CHCHD6: variants seen among roughly 807,000 people sequenced by gnomAD.
CHCHD6 encodes MICOS complex subunit MIC25.
CHCHD6 carries 28 observed loss-of-function variants against 32.3 expected under a neutral mutation model. The ratio of observed to expected loss-of-function variants is 0.87; its 90% CI spans 0.64 to 1.19. The LOEUF (loss-of-function observed/expected upper bound fraction) is 1.19. Among genes scored for constraint, CHCHD6 ranks in the 50% most tolerant of loss-of-function variants. CHCHD6 has a pLI of 0.00. For synonymous variants in CHCHD6, 122 were observed against 117.5 expected (o/e 1.04, Z -0.25); for missense variants, 333 against 307.0 (o/e 1.08, Z -0.63).
rs765242087 is a variant in CHCHD6 at position 126,957,370 on chromosome 3, C to T, written c.567-46C>T. The T allele has an allele frequency of 6.3e-6, 10 of 1,594,478 alleles. No individual in the cohort carries two copies. In the East Asian group the frequency reaches 6.8e-5, roughly 11 times the overall value. On this transcript the variant is annotated intron_variant, in intron 6 of 7. Coordinates refer to ENST00000290913, the MANE Select transcript of CHCHD6 (RefSeq NM_032343.3). The stretch of plus-strand genomic sequence containing the variant: ...AATGTGAGTTGTTTCTCTCCCCTGC[C>T]TGCTGGCACCTGAGCCCCAGGCCTG...
rs144717514 is a variant in CHCHD6, at chr3:126,795,007, G to T, written c.412-57640G>T. On this transcript the variant is annotated intron_variant, in intron 4 of 7. Coordinates refer to ENST00000290913, the MANE Select transcript of CHCHD6 (RefSeq NM_032343.3). ...ATATTATTGATACCATTTTTTTTTT[G>T]AGTGAAAATATTCTCCTAGACATTT... Among the ~76,000 whole-genome samples the T allele has an allele frequency of 3.3e-3, 504 of 151,150 alleles. 5 individuals are homozygous for T. Among genetic ancestry groups the T allele is most frequent in the African/African-American group, 0.011 (470 of 41,236 alleles).
At chr3:126,875,547 G>A (rs1005896696) in intron 5 of CHCHD6, among the ~76,000 whole-genome samples, 5 of 152,222 alleles carry the variant, frequency 3.3e-5, no homozygotes, top group African/African-American at 1.2e-4. Context: ...GAAAGAGCTG[G>A]AGAGAATTGG....
chr3:126,818,110 TTCC>T (rs1251628187), intron 4 of CHCHD6, among the ~76,000 whole-genome samples: 1 of 152,142 alleles, frequency 6.6e-6, no homozygotes, highest in Non-Finnish European at 1.5e-5. Context: ...TCACAGTGTT[TTCC>T]TCCTCACTTT....
intron 4 of CHCHD6, among the ~76,000 whole-genome samples, chr3:126,772,073 A>G (rs1242723215): frequency 2.0e-5 from 3 of 152,122 alleles, no homozygotes; most frequent in Admixed American, 6.5e-5. Flanking sequence ...ATCTACACCT[A>G]CTATTATGTA....
chr3:126,808,707 A>G (rs1194073734), intron 4 of CHCHD6, among the ~76,000 whole-genome samples: 1 of 152,148 alleles, frequency 6.6e-6, no homozygotes, highest in Admixed American at 6.5e-5. Context: ...AAGCAAAAAG[A>G]AATCAGAAGG....
intron 5 of CHCHD6, among the ~76,000 whole-genome samples, chr3:126,870,287 C>T (rs1407363444): frequency 1.3e-5 from 2 of 152,152 alleles, no homozygotes; most frequent in Admixed American, 1.3e-4. Flanking sequence ...GATTAAACTC[C>T]GTGTTCCAGT....
chr3:126,765,870 A>G (rs1197893910), intron 4 of CHCHD6, among the ~76,000 whole-genome samples: 1 of 152,232 alleles, frequency 6.6e-6, no homozygotes, highest in Non-Finnish European at 1.5e-5. Flanking sequence ...ATAGGCAGCC[A>G]AGGGGAGAAA....
chr3:126,930,005 A>G (rs2078380497), intron 6 of CHCHD6, among the ~76,000 whole-genome samples: 1 of 152,238 alleles, frequency 6.6e-6, no homozygotes, highest in African/African-American at 2.4e-5. Flanking sequence ...CTAGTTCCTA[A>G]CATACCTCCT....
At chr3:126,959,823 GCC>G (rs764168029) in intron 7 of CHCHD6, among the ~76,000 whole-genome samples, 6 of 152,214 alleles carry the variant, frequency 3.9e-5, no homozygotes, top group Non-Finnish European at 7.3e-5. Flanking sequence ...CAGAGGGGAG[GCC>G]TTGATGAGGC....
At chr3:126,790,961 C>T (rs1938507321) in intron 4 of CHCHD6, among the ~76,000 whole-genome samples, 1 of 152,044 alleles carries the variant, frequency 6.6e-6, no homozygotes, top group African/African-American at 2.4e-5. Flanking sequence ...GTTTTATCTA[C>T]CTTTGGTCTT....
intron 4 of CHCHD6, among the ~76,000 whole-genome samples, chr3:126,792,722 T>C (rs1938612803): frequency 6.6e-6 from 1 of 152,240 alleles, no homozygotes; most frequent in Non-Finnish European, 1.5e-5. Context: ...CTAATGTTTA[T>C]TGTTATGTGA....
At chr3:126,804,386 C>A (rs1939247204) in intron 4 of CHCHD6, among the ~76,000 whole-genome samples, 1 of 151,980 alleles carries the variant, frequency 6.6e-6, no homozygotes, top group Non-Finnish European at 1.5e-5. Flanking sequence ...GGGATATCAC[C>A]ACCGATCCCA....
intron 4 of CHCHD6, chr3:126,767,195 C>G: frequency 6.3e-7 from 1 of 1,589,114 alleles, no homozygotes; most frequent in Non-Finnish European, 8.6e-7. Flanking sequence ...GAATTCAGCC[C>G]CAAAGGCCAT....
intron 4 of CHCHD6, among the ~76,000 whole-genome samples, chr3:126,801,736 T>G (rs1338576829): frequency 6.6e-6 from 1 of 152,196 alleles, no homozygotes; most frequent in Non-Finnish European, 1.5e-5. Flanking sequence ...CAGCTGGAGA[T>G]CTGAGAACGG....
At chr3:126,842,140 G>C (rs910723607) in intron 4 of CHCHD6, among the ~76,000 whole-genome samples, 4 of 152,038 alleles carry the variant, frequency 2.6e-5, no homozygotes, top group African/African-American at 9.7e-5. Context: ...TGTAGTACCA[G>C]CTACTCCGGA....
At chr3:126,812,760 G>A (rs1486912082) in intron 4 of CHCHD6, among the ~76,000 whole-genome samples, 1 of 152,022 alleles carries the variant, frequency 6.6e-6, no homozygotes, top group African/African-American at 2.4e-5. Context: ...TAACTTTTAT[G>A]ACAATGCTTT....
At chr3:126,766,790 C>T (rs1937386165) in intron 4 of CHCHD6, 1 of 1,076,286 alleles carries the variant, frequency 9.3e-7, no homozygotes. Context: ...AACAGACCAC[C>T]CACTTCACTG....
chr3:126,862,257 C>T (rs1576512160), intron 5 of CHCHD6, among the ~76,000 whole-genome samples: 4 of 136,450 alleles, frequency 2.9e-5, no homozygotes, highest in East Asian at 2.3e-4. Flanking sequence ...CCTCCTCCTC[C>T]TCCATCACCT....
chr3:126,752,981 A>G (rs948534500), intron 4 of CHCHD6, among the ~76,000 whole-genome samples: 4 of 152,140 alleles, frequency 2.6e-5, no homozygotes, highest in Non-Finnish European at 2.9e-5. Flanking sequence ...CCCGAGGTTA[A>G]GGCCAAATTA....
Sources: allele counts gnomAD v4.1 joint callset (sites outside exome capture counted in the v4.1 genomes callset), GRCh38; gene constraint gnomAD v4.1.1; transcripts MANE v1.5; gene names NCBI Gene and HGNC (gene_info 2026-07-23, HGNC 2026-07-21).